The following PRICKLE2 variants were observed in gnomAD, a reference collection of about 807,000 sequenced individuals.
The protein encoded by PRICKLE2 is prickle-like protein 2.
PRICKLE2 carries 21 observed loss-of-function variants against 81.4 expected under a neutral mutation model. The observed-to-expected ratio is 0.26, with a 90% confidence interval of 0.18 to 0.37. The LOEUF (loss-of-function observed/expected upper bound fraction) is 0.37, where lower values mean the gene tolerates loss of function less well. Ranked by LOEUF, PRICKLE2 falls within the 10% of genes least tolerant of loss-of-function variation. PRICKLE2 has a pLI of 1.00. For synonymous variants in PRICKLE2, 456 were observed against 421.5 expected (o/e 1.08, Z -1.00); for missense variants, 940 against 1,109.0 (o/e 0.85, Z 2.16).
Position 64,222,494 on chromosome 3 carries a change from G to A in PRICKLE2, c.-41+2416C>T, listed in dbSNP as rs555285216. On this transcript the variant is annotated intron_variant, in intron 1 of 7. Coordinates refer to ENST00000638394, the MANE Select transcript of PRICKLE2 (RefSeq NM_198859.4). ...AAGGGAGAAACAGCAGTCCACTTGT[G>A]TGACAGAAGTAGGCCCACCGGCATG... Among the ~76,000 whole-genome samples, 22 of 152,278 alleles carry A rather than the reference G, an allele frequency of 1.4e-4. No individual in the cohort carries two copies. The South Asian group carries it at 2.9e-3, about 20-fold the overall frequency.
At chr3:64,125,143 A>T (rs2077086878) in intron 7 of PRICKLE2, among the ~76,000 whole-genome samples, 1 of 152,198 alleles carries the variant, frequency 6.6e-6, no homozygotes, top group South Asian at 2.1e-4. Flanking sequence ...GGTATAGTGG[A>T]AATAGCAAGA....
intron 7 of PRICKLE2, among the ~76,000 whole-genome samples, chr3:64,139,336 C>T (rs2077325602): frequency 6.6e-6 from 1 of 152,258 alleles, no homozygotes; most frequent in African/African-American, 2.4e-5. Context: ...ACAGAGTAGA[C>T]CAACCTTTAA....
At chr3:64,104,704 C>G (rs1286415306) in intron 7 of PRICKLE2, 1 of 152,256 alleles carries the variant, frequency 6.6e-6, no homozygotes, top group East Asian at 1.9e-4. Context: ...GTTGCACAAG[C>G]CCAGCATCTA....
At chr3:64,218,073 C>A (rs2078899988) in intron 1 of PRICKLE2, among the ~76,000 whole-genome samples, 1 of 152,122 alleles carries the variant, frequency 6.6e-6, no homozygotes, top group Non-Finnish European at 1.5e-5. Context: ...TCATACTGTA[C>A]AAATTTACAA....
chr3:64,159,957 C>T lies in PRICKLE2; in HGVS notation c.379G>A (p.Gly127Arg), dbSNP rs1272771649. ...ATGCTTACCTGTTCACAAATAGCTC[C>T]TGTCATGGTGACTGGGAAAGGCCTG... ...NVRPFPVTMT[G>R]AICEQCGGQI... The change falls in exon 4 of 8, where the codon GGA becomes AGA. Residue 127 changes from glycine (G) to arginine (R), a missense_variant. Around this residue, in one of 2 missense-constraint regions of PRICKLE2, gnomAD observed 270 missense variants for 391.8 expected, o/e 0.69. Transcript: ENST00000638394. The T allele has an allele frequency of 3.7e-6, 6 of 1,614,072 alleles. No homozygotes were observed. Among genetic ancestry groups the T allele is most frequent in the Middle Eastern group, 1.6e-4 (1 of 6,084 alleles).
At chr3:64,201,766 T>TTGC (rs1455726330) in intron 1 of PRICKLE2, among the ~76,000 whole-genome samples, 1 of 152,212 alleles carries the variant, frequency 6.6e-6, no homozygotes, top group Non-Finnish European at 1.5e-5. Context: ...TTTGTTGTTG[T>TTGC]TGCTGTTGCT....
upstream of PRICKLE2, among the ~76,000 whole-genome samples, chr3:64,228,629 C>A (rs1344738788): frequency 6.6e-6 from 1 of 151,586 alleles, no homozygotes; most frequent in Non-Finnish European, 1.5e-5. Flanking sequence ...AGGAACAAAA[C>A]TCATATTGTT....
At chr3:64,205,940 C>T (rs912332448) in intron 1 of PRICKLE2, among the ~76,000 whole-genome samples, 2 of 152,154 alleles carry the variant, frequency 1.3e-5, no homozygotes, top group African/African-American at 2.4e-5. Flanking sequence ...CTAAAAACCA[C>T]CATATTTCCT....
At chr3:64,242,467 A>C (rs2079280929) in intron 2 of PRICKLE2, among the ~76,000 whole-genome samples, 1 of 152,268 alleles carries the variant, frequency 6.6e-6, no homozygotes, top group African/African-American at 2.4e-5. Context: ...GAAAATACAT[A>C]AATCTTCAGC....
chr3:64,119,929 C>A (rs1288630699), intron 7 of PRICKLE2, among the ~76,000 whole-genome samples: 1 of 152,290 alleles, frequency 6.6e-6, no homozygotes, highest in East Asian at 1.9e-4. Flanking sequence ...AGCTGGAGGC[C>A]ATTTTCCCAA....
At chr3:64,157,757 C>T (rs888654128) in intron 4 of PRICKLE2, among the ~76,000 whole-genome samples, 10 of 150,484 alleles carry the variant, frequency 6.6e-5, no homozygotes, top group African/African-American at 2.2e-4. Context: ...CCAGGAGTGG[C>T]TGGGGAGGGA....
chr3:64,143,689 T>C (rs1477577383), intron 7 of PRICKLE2, among the ~76,000 whole-genome samples: 3 of 152,088 alleles, frequency 2.0e-5, no homozygotes, highest in Non-Finnish European at 2.9e-5. Flanking sequence ...CTCTGTAGAG[T>C]TCTGATGCAA....
In PRICKLE2 at chr3:64,157,275, T is replaced by C; in HGVS notation, c.487A>G (p.Thr163Ala). Residue 163 changes from threonine to alanine, a missense_variant, in exon 5 of 8, where the codon ACT becomes GCT. By Grantham distance (58) the Thr-to-Ala change is moderately conservative. This residue lies in a region of PRICKLE2 where 270 missense variants were observed against 391.8 expected (regional missense o/e 0.69). Transcript: ENST00000638394. ...TCCACCAGGAGCTCATTGCAGACAG[T>C]GCATACGAAGCACGGCGGGTGCCAG... is the stretch of plus-strand genomic sequence containing the variant. ...VCWHPPCFVC[T>A]VCNELLVDLI... 3 of 1,614,188 alleles carry C rather than the reference T, an allele frequency of 1.9e-6. No individual in the cohort carries two copies. Among genetic ancestry groups the C allele is most frequent in the Non-Finnish European group, 2.5e-6 (3 of 1,180,022 alleles).
rs200937120 is a variant in PRICKLE2 at position 64,245,514 on chromosome 3, TAGA to T, written c.129-46550_129-46548del. ...GAATCAGTGTCCGCCCTCATAACAATAGAAGATCTTAAAGGAAAATGATAACCT... is the reference window on the plus strand; with the variant it reads ...GAATCAGTGTCCGCCCTCATAACAATAGATCTTAAAGGAAAATGATAACCT... On this transcript the variant is annotated intron_variant, in intron 2 of 8. Coordinates refer to the PRICKLE2 transcript ENST00000295902. 8.8e-3 allele frequency among the ~76,000 whole-genome samples: 1,335 copies of T among 152,308 alleles called. 8 individuals carry two copies. Among genetic ancestry groups the T allele is most frequent in the Non-Finnish European group, 0.013 (866 of 68,036 alleles).
At position 64,098,879 on chromosome 3, in the gene PRICKLE2, A is replaced by G. The variant is rs1330264884; in HGVS notation, c.*172T>C. ...GCAAATAATATTCAACATGCCAAGA[A>G]CTGTGACTACCTATTGAGTCAACCT... is the stretch of plus-strand genomic sequence containing the variant. On this transcript the variant is annotated 3_prime_UTR_variant, in exon 8 of 8. Transcript: ENST00000638394. 1.4e-6 allele frequency: 1 copy of G among 696,886 alleles called. No homozygotes were observed. 43.2% of individuals were successfully genotyped at this position (696,886 alleles called of 1,614,324 possible).
At chr3:64,221,611 T>C (rs533627662) in intron 1 of PRICKLE2, among the ~76,000 whole-genome samples, 14 of 152,182 alleles carry the variant, frequency 9.2e-5, no homozygotes, top group Non-Finnish European at 1.5e-4. Context: ...AAATAGCTCA[T>C]GGTCACCAGC....
At chr3:64,125,702 T>C (rs1334757755) in intron 7 of PRICKLE2, among the ~76,000 whole-genome samples, 1 of 152,238 alleles carries the variant, frequency 6.6e-6, no homozygotes, top group African/African-American at 2.4e-5. Flanking sequence ...TAGACTACAG[T>C]ATAATGTAAA....
intron 7 of PRICKLE2, among the ~76,000 whole-genome samples, chr3:64,144,905 A>T (rs2077420536): frequency 6.6e-6 from 1 of 152,186 alleles, no homozygotes; most frequent in Non-Finnish European, 1.5e-5. Flanking sequence ...TTCCAGTTTC[A>T]GTACTAATCT....
intron 2 of PRICKLE2, among the ~76,000 whole-genome samples, chr3:64,250,193 T>C (rs961857854): frequency 3.3e-5 from 5 of 152,230 alleles, no homozygotes; most frequent in Admixed American, 1.3e-4. Flanking sequence ...AATATCCTCA[T>C]GGAGTTAGAT....
Sources: gnomAD v4.1 joint callset for allele counts (sites outside exome capture counted in the v4.1 genomes callset) on GRCh38, gnomAD v4.1.1 for gene constraint, gnomAD v4.1.1 regional missense constraint, MANE v1.5 for transcripts, NCBI Gene and HGNC (gene_info 2026-07-23, HGNC 2026-07-21) for gene names.